The following LRRC4C variants were observed in gnomAD, a reference collection of about 807,000 sequenced individuals.
LRRC4C encodes leucine rich repeat containing 4C.
Under a neutral mutation model 33.6 loss-of-function variants are expected in LRRC4C, and 5 were observed. The observed-to-expected ratio is 0.15, with a 90% CI of 0.08 to 0.31. The LOEUF (loss-of-function observed/expected upper bound fraction) is 0.31, where lower values mean the gene tolerates loss of function less well. Among genes scored for constraint, LRRC4C ranks in the 10% least tolerant of loss-of-function variants. The pLI is 1.00. For synonymous variants in LRRC4C, 329 were observed against 302.0 expected, an observed-to-expected ratio of 1.09 and a Z score of -0.93; for missense variants, 560 against 796.7, an observed-to-expected ratio of 0.70 and a Z score of 3.58.
At chr11:41,355,723 A>G (rs1203457471) in intron 1 of LRRC4C, among the ~76,000 whole-genome samples, 1 of 152,106 alleles carries the variant, frequency 6.6e-6, no homozygotes, top group Non-Finnish European at 1.5e-5. Context: ...TGAGCTATGT[A>G]CAGTATCCAT....
intron 2 of LRRC4C, 56 bp downstream of exon 2, chr11:40,933,579 T>C (rs189007377): frequency 6.6e-5 from 10 of 151,504 alleles, no homozygotes; most frequent in African/African-American, 2.4e-4. Flanking sequence ...TTTCTAGTCA[T>C]ATATGAAACA....
chr11:41,149,449 G>T (rs1287031034), intron 1 of LRRC4C, among the ~76,000 whole-genome samples: 2 of 147,990 alleles, frequency 1.4e-5, no homozygotes, highest in African/African-American at 2.5e-5. Flanking sequence ...GGCGGAGCTT[G>T]CAGTGAGCCG....
intron 1 of LRRC4C, among the ~76,000 whole-genome samples, chr11:41,304,881 T>C (rs1220753652): frequency 1.8e-3 from 67 of 37,682 alleles, no homozygotes; most frequent in African/African-American, 2.7e-3. Flanking sequence ...GTATCAGCCC[T>C]CCGCCCGGCC....
intron 2 of LRRC4C, among the ~76,000 whole-genome samples, chr11:40,901,957 A>G (rs1956219349): frequency 6.6e-6 from 1 of 151,388 alleles, no homozygotes; most frequent in African/African-American, 2.4e-5. Context: ...GCCTTTTAAT[A>G]GGTTGATATA....
chr11:41,325,074 C>G (rs1951067748), intron 1 of LRRC4C, among the ~76,000 whole-genome samples: 1 of 151,902 alleles, frequency 6.6e-6, no homozygotes, highest in African/African-American at 2.4e-5. Flanking sequence ...TTATTTTTTG[C>G]CTGGTTATAA....
chr11:40,303,549 A>C (rs2030583830), intron 4 of LRRC4C, among the ~76,000 whole-genome samples: 1 of 152,140 alleles, frequency 6.6e-6, no homozygotes, highest in African/African-American at 2.4e-5. Flanking sequence ...TTTCCACTGG[A>C]GCTATATGAG....
chr11:41,030,330 GGTGA>G (rs1180816668), intron 1 of LRRC4C, among the ~76,000 whole-genome samples: 1 of 151,792 alleles, frequency 6.6e-6, no homozygotes, highest in Non-Finnish European at 1.5e-5. Context: ...GGAGAAAATA[GGTGA>G]GTAATTCTGT....
intron 1 of LRRC4C, among the ~76,000 whole-genome samples, chr11:41,042,565 C>T (rs1857504606): frequency 6.6e-6 from 1 of 152,210 alleles, no homozygotes; most frequent in Admixed American, 6.5e-5. Flanking sequence ...GTTCCCTCCA[C>T]CTCCCTAAAG....
intron 3 of LRRC4C, among the ~76,000 whole-genome samples, chr11:40,415,493 T>C (rs995653082): frequency 6.6e-6 from 1 of 152,026 alleles, no homozygotes; most frequent in African/African-American, 2.4e-5. Context: ...TATGTGAGAG[T>C]TCAGTGAGAC....
intron 3 of LRRC4C, among the ~76,000 whole-genome samples, chr11:40,401,976 G>A (rs111816851): frequency 6.6e-6 from 1 of 151,918 alleles, no homozygotes; most frequent in African/African-American, 2.4e-5. Flanking sequence ...AAAAAGAAAG[G>A]AGCCTGAAAA....
chr11:40,940,368 C>T (rs1039138286), intron 1 of LRRC4C, among the ~76,000 whole-genome samples: 9 of 152,020 alleles, frequency 5.9e-5, no homozygotes, highest in East Asian at 1.9e-4. Context: ...TTTTACCAAG[C>T]GGGAAACAAT....
chr11:40,540,957 T>C (rs1425862759), intron 3 of LRRC4C, among the ~76,000 whole-genome samples: 1 of 152,128 alleles, frequency 6.6e-6, no homozygotes, highest in Non-Finnish European at 1.5e-5. Flanking sequence ...ATTGTGACTT[T>C]GCAACATTGC....
intron 1 of LRRC4C, among the ~76,000 whole-genome samples, chr11:41,197,933 A>T (rs1448453361): frequency 6.6e-6 from 1 of 151,940 alleles, no homozygotes; most frequent in East Asian, 1.9e-4. Context: ...GAAATTCACC[A>T]CTACCTCCTC....
At chr11:40,627,486 A>T (rs959330123) in intron 3 of LRRC4C, among the ~76,000 whole-genome samples, 7 of 152,156 alleles carry the variant, frequency 4.6e-5, no homozygotes, top group African/African-American at 1.7e-4. Context: ...TTCTTGTAAA[A>T]TAAAATTTTT....
intron 2 of LRRC4C, among the ~76,000 whole-genome samples, chr11:40,742,221 G>A (rs1345051428): frequency 6.6e-6 from 1 of 151,912 alleles, no homozygotes; most frequent in African/African-American, 2.4e-5. Flanking sequence ...AGGCATCATT[G>A]AGATTTTTTT....
chr11:40,438,926 C>CT (rs869144067), intron 3 of LRRC4C, among the ~76,000 whole-genome samples: 2,177 of 106,902 alleles, frequency 0.02, 122 homozygotes, highest in African/African-American at 0.044. Flanking sequence ...TGAATTGCTA[C>CT]TTTTTTTTTT....
chr11:40,480,379 A>C lies in LRRC4C; in HGVS notation c.-269-160658T>G, dbSNP rs187261044. Among the ~76,000 whole-genome samples, 176 of 151,890 alleles carry C rather than the reference A, an allele frequency of 1.2e-3. 1 individual carries two copies. The highest frequency in any genetic ancestry group is 2.7e-3 in the South Asian group (13 of 4,818). ...AAAATAAAAATAAAAATAAATAAAT[A>C]AATAAAACAAAATACCACATGTTCT... On this transcript the variant is annotated intron_variant, in intron 3 of 6. Transcript: ENST00000528697.
chr11:40,369,242 G>A (rs950038048), intron 3 of LRRC4C, among the ~76,000 whole-genome samples: 47 of 152,310 alleles, frequency 3.1e-4, no homozygotes, highest in South Asian at 4.1e-4. Flanking sequence ...GTCTCCTGCT[G>A]TGAAATTGCT....
chr11:40,987,674 T>TA (rs1565274694), intron 1 of LRRC4C, among the ~76,000 whole-genome samples: 2 of 27,990 alleles, frequency 7.1e-5, no homozygotes, highest in Non-Finnish European at 1.6e-4. Flanking sequence ...GAGATATAAA[T>TA]GATATATATA....
Sources: allele counts gnomAD v4.1 joint callset (sites outside exome capture counted in the v4.1 genomes callset), GRCh38; gene constraint gnomAD v4.1.1; transcripts MANE v1.5; gene names NCBI Gene and HGNC (gene_info 2026-07-23, HGNC 2026-07-21).